ADAM22: variants seen among roughly 807,000 people sequenced by gnomAD.
ADAM22 encodes the protein disintegrin and metalloproteinase domain-containing protein 22.
ADAM22 carries 65 observed loss-of-function variants against 144.6 expected under a neutral mutation model. The ratio of observed to expected loss-of-function variants is 0.45; its 90% CI spans 0.37 to 0.55. ADAM22 has a LOEUF of 0.55. Ranked by LOEUF, ADAM22 falls within the 20% of genes least tolerant of loss-of-function variation. ADAM22 has a pLI of 0.00. For missense variants in ADAM22, 974 were observed against 1,184.9 expected (o/e 0.82, Z 2.61); for synonymous variants, 391 against 412.6 (o/e 0.95, Z 0.63).
At chr7:88,025,635 A>C (rs1798842292) in intron 3 of ADAM22, among the ~76,000 whole-genome samples, 1 of 152,146 alleles carries the variant, frequency 6.6e-6, no homozygotes, top group Non-Finnish European at 1.5e-5. Flanking sequence ...TCTTTTCCCC[A>C]ATGTATATTC....
Position 88,053,587 on chromosome 7 carries a change from GGAAGGAAAGAAAGAAA to G in ADAM22, c.324-22035_324-22020del, listed in dbSNP as rs1461581825. On this transcript the variant is annotated intron_variant, in intron 3 of 31. Coordinates refer to ENST00000413139, the MANE Select transcript of ADAM22 (RefSeq NM_001324418.2). Reference sequence around the variant, plus strand: ...AAGAAGGAAGGAGGAAAGGAAGGAAGGAAGGAAAGAAAGAAAGAAAGAAAGAAAGAAAGAAAGAAAG... The same window carrying G: ...AAGAAGGAAGGAGGAAAGGAAGGAAGGAAAGAAAGAAAGAAAGAAAGAAAG... 5.4e-3 allele frequency among the ~76,000 whole-genome samples: 640 copies of G among 119,220 alleles called. 6 individuals are homozygous for G. The highest frequency in any genetic ancestry group is 0.019 in the Middle Eastern group (4 of 216). The allele number at this position is 119,220 out of a possible 152,430, so 78.2% of individuals were successfully genotyped here. A position where few individuals can be genotyped will look rare whatever the true frequency, so the allele number is the denominator to read the frequency against.
chr7:88,088,198 T>C (rs368262283), intron 4 of ADAM22, among the ~76,000 whole-genome samples: 1 of 152,132 alleles, frequency 6.6e-6, no homozygotes, highest in East Asian at 1.9e-4. Context: ...ATGGCCACTA[T>C]CATCTGTGGA....
chr7:88,021,545 T>A (rs58901107), intron 3 of ADAM22, among the ~76,000 whole-genome samples: 2 of 152,198 alleles, frequency 1.3e-5, no homozygotes, highest in African/African-American at 2.4e-5. Context: ...TATTGCCTTA[T>A]GTTTTCTATT....
intron 3 of ADAM22, among the ~76,000 whole-genome samples, chr7:88,033,957 G>T (rs1800902443): frequency 6.6e-6 from 1 of 152,058 alleles, no homozygotes; most frequent in African/African-American, 2.4e-5. Flanking sequence ...CTCCCCTCTG[G>T]CCCAGAGCAG....
intron 5 of ADAM22, among the ~76,000 whole-genome samples, chr7:88,112,362 C>T (rs1826271606): frequency 6.6e-6 from 1 of 152,116 alleles, no homozygotes; most frequent in Non-Finnish European, 1.5e-5. Flanking sequence ...ACTTGGAGGC[C>T]ATTATAATTA....
intron 2 of ADAM22, among the ~76,000 whole-genome samples, chr7:87,967,588 A>T (rs1849423096): frequency 6.6e-6 from 1 of 152,026 alleles, no homozygotes; most frequent in South Asian, 2.1e-4. Flanking sequence ...AGGCAGTCAG[A>T]TCATGAGGTC....
intron 3 of ADAM22, among the ~76,000 whole-genome samples, chr7:88,029,769 T>C (rs1305333423): frequency 6.6e-6 from 1 of 152,148 alleles, no homozygotes; most frequent in African/African-American, 2.4e-5. Flanking sequence ...AAGTTTTTTT[T>C]TTCTTTCAGA....
chr7:88,005,593 C>T (rs1396901711), intron 3 of ADAM22, among the ~76,000 whole-genome samples: 1 of 152,082 alleles, frequency 6.6e-6, no homozygotes, highest in Non-Finnish European at 1.5e-5. Flanking sequence ...GACCAGTGAG[C>T]ACCTATTATA....
intron 4 of ADAM22, among the ~76,000 whole-genome samples, chr7:88,084,268 G>C (rs970054967): frequency 6.6e-6 from 1 of 152,130 alleles, no homozygotes; most frequent in Non-Finnish European, 1.5e-5. Flanking sequence ...CGCTGACTTT[G>C]CTGCACAATC....
chr7:88,002,363 C>A (rs901819632), intron 3 of ADAM22, among the ~76,000 whole-genome samples: 2 of 152,132 alleles, frequency 1.3e-5, no homozygotes, highest in Admixed American at 6.5e-5. Context: ...GCATCCTAAC[C>A]AGGAAATATG....
chr7:87,983,994 A>G (rs1854334931), intron 3 of ADAM22, among the ~76,000 whole-genome samples: 1 of 152,130 alleles, frequency 6.6e-6, no homozygotes, highest in African/African-American at 2.4e-5. Context: ...GGGATATAAA[A>G]TTATTCTCGA....
chr7:87,958,898 T>C (rs1295079750), intron 2 of ADAM22, among the ~76,000 whole-genome samples: 1 of 152,190 alleles, frequency 6.6e-6, no homozygotes, highest in East Asian at 1.9e-4. Flanking sequence ...TTCTCTATTA[T>C]CTGTATAGCA....
At chr7:88,073,356 A>C (rs1279764461) in intron 3 of ADAM22, among the ~76,000 whole-genome samples, 1 of 152,204 alleles carries the variant, frequency 6.6e-6, no homozygotes, top group Non-Finnish European at 1.5e-5. Context: ...GGGTCATGAG[A>C]GGAGCCAGTT....
chr7:87,968,912 G>T (rs1849773508), intron 2 of ADAM22, among the ~76,000 whole-genome samples: 1 of 152,094 alleles, frequency 6.6e-6, no homozygotes, highest in African/African-American at 2.4e-5. Flanking sequence ...AGGGGAAGCT[G>T]GCATGTCTTA....
intron 4 of ADAM22, among the ~76,000 whole-genome samples, chr7:88,080,681 A>G (rs1816274681): frequency 6.6e-6 from 1 of 152,194 alleles, no homozygotes. Flanking sequence ...CACCGATCCC[A>G]CAGAAATACA....
At chr7:88,192,720 G>A (rs560643878) in intron 30 of ADAM22, among the ~76,000 whole-genome samples, 75 of 151,972 alleles carry the variant, frequency 4.9e-4, no homozygotes, top group Non-Finnish European at 7.5e-4. Flanking sequence ...TGGAATTATC[G>A]TACTTAAACA....
chr7:87,985,622 C>T (rs1788290207), intron 3 of ADAM22, among the ~76,000 whole-genome samples: 2 of 152,128 alleles, frequency 1.3e-5, no homozygotes, highest in African/African-American at 4.8e-5. Context: ...TGAAGTTCAT[C>T]CATGCTATAT....
In ADAM22 at chr7:88,202,030, A is replaced by G. The variant is rs905228796; in HGVS notation, c.*5539A>G. The G allele has an allele frequency of 1.3e-5, 2 of 152,188 alleles. No homozygotes were observed. The highest frequency in any genetic ancestry group is 1.3e-4 in the Admixed American group (2 of 15,284). 9.4% of individuals were successfully genotyped at this position (152,188 alleles called of 1,614,324 possible). A position where few individuals can be genotyped will look rare whatever the true frequency, so the allele number is the denominator to read the frequency against. Reference sequence around the variant, plus strand: ...CGGTGCTAAGTTGAACAAGTAACACAATACAGAAAATGCTGATATGAATAC... The same window carrying G: ...CGGTGCTAAGTTGAACAAGTAACACGATACAGAAAATGCTGATATGAATAC... On this transcript the variant is annotated 3_prime_UTR_variant, in exon 32 of 32. Transcript: ENST00000413139.
intron 2 of ADAM22, among the ~76,000 whole-genome samples, chr7:87,952,215 G>A (rs1194497809): frequency 6.6e-6 from 1 of 151,560 alleles, no homozygotes; most frequent in Non-Finnish European, 1.5e-5. Flanking sequence ...TCCCTGTCTT[G>A]TGCCAGTTTT....
Sources: gnomAD v4.1 joint callset for allele counts (sites outside exome capture counted in the v4.1 genomes callset) on GRCh38, gnomAD v4.1.1 for gene constraint, MANE v1.5 for transcripts, NCBI Gene and HGNC (gene_info 2026-07-23, HGNC 2026-07-21) for gene names.